Variants in NPAS3 observed in about 807,000 individuals in gnomAD.
NPAS3 encodes neuronal PAS domain protein 3.
Under a neutral mutation model 73.1 loss-of-function variants are expected in NPAS3, and 14 were observed. That is an observed-to-expected ratio of 0.19 (90% CI 0.13 to 0.30). NPAS3 has a LOEUF of 0.30. Among genes scored for constraint, NPAS3 ranks in the 10% least tolerant of loss-of-function variants. The probability of loss-of-function intolerance (pLI) is 1.00; values close to 1 mark genes in which losing one functional copy is unlikely to be tolerated. For missense variants in NPAS3, 1,096 were observed against 1,250.0 expected (o/e 0.88, Z 1.86); for synonymous variants, 620 against 541.5 (o/e 1.14, Z -2.01).
At chr14:32,980,498 T>C (rs1178688886) in intron 1 of NPAS3, among the ~76,000 whole-genome samples, 1 of 152,212 alleles carries the variant, frequency 6.6e-6, no homozygotes, top group Non-Finnish European at 1.5e-5. Flanking sequence ...TTAATCAAAA[T>C]AACAAAAGGG....
chr14:33,208,757 T>C (rs1219651726), intron 2 of NPAS3, among the ~76,000 whole-genome samples: 2 of 152,210 alleles, frequency 1.3e-5, no homozygotes, highest in Non-Finnish European at 2.9e-5. Context: ...AAGCTTAATA[T>C]ATCCTGAGTT....
intron 4 of NPAS3, among the ~76,000 whole-genome samples, chr14:33,408,906 A>G (rs1472080257): frequency 6.6e-6 from 1 of 152,164 alleles, no homozygotes; most frequent in Non-Finnish European, 1.5e-5. Flanking sequence ...AGTATGTGGA[A>G]TATATTGAGG....
intron 1 of NPAS3, among the ~76,000 whole-genome samples, chr14:32,966,877 G>T (rs751766993): frequency 6.6e-6 from 1 of 150,636 alleles, no homozygotes; most frequent in East Asian, 2.0e-4. Flanking sequence ...GGATTTTTTT[G>T]AATAAGACCT....
At chr14:33,109,619 T>C (rs2042825374) in intron 2 of NPAS3, among the ~76,000 whole-genome samples, 1 of 152,076 alleles carries the variant, frequency 6.6e-6, no homozygotes, top group African/African-American at 2.4e-5. Flanking sequence ...CATGTTTGTT[T>C]ATATGTTTGA....
chr14:33,473,711 G>T (rs1393743153), intron 4 of NPAS3, among the ~76,000 whole-genome samples: 1 of 152,176 alleles, frequency 6.6e-6, no homozygotes, highest in Non-Finnish European at 1.5e-5. Context: ...AAGTTTTCTG[G>T]AAGGAGTGTC....
chr14:33,158,316 C>T (rs1041140926), intron 2 of NPAS3, among the ~76,000 whole-genome samples: 3 of 152,198 alleles, frequency 2.0e-5, no homozygotes, highest in African/African-American at 7.2e-5. Context: ...TGTGTTTTAA[C>T]AGGCCCCCCA....
chr14:33,688,960 T>C lies in NPAS3; in HGVS notation c.733+12575T>C, dbSNP rs183951328. Among the ~76,000 whole-genome samples the C allele has an allele frequency of 2.2e-3, 338 of 152,346 alleles. 1 individual carries two copies. The highest frequency in any genetic ancestry group is 3.8e-3 in the Non-Finnish European group (259 of 68,040). ...CAGTTAAATTGCACTGCCTATATTATAGACTTTTAAAATCTGCAGTCTGGT... is the reference window on the plus strand; with the variant it reads ...CAGTTAAATTGCACTGCCTATATTACAGACTTTTAAAATCTGCAGTCTGGT... On this transcript the variant is annotated intron_variant, in intron 6 of 11. Transcript: ENST00000356141.
intron 8 of NPAS3, among the ~76,000 whole-genome samples, chr14:33,777,257 C>G (rs993504031): frequency 5.3e-5 from 8 of 152,146 alleles, no homozygotes; most frequent in African/African-American, 1.7e-4. Context: ...AAAACACCGA[C>G]TAATCTGTGT....
chr14:33,120,498 A>T (rs1182205219), intron 2 of NPAS3, among the ~76,000 whole-genome samples: 1 of 152,120 alleles, frequency 6.6e-6, no homozygotes, highest in Non-Finnish European at 1.5e-5. Context: ...GACAACAAAC[A>T]TACATGCTTC....
chr14:33,521,095 T>A (rs2053535730), intron 4 of NPAS3, among the ~76,000 whole-genome samples: 2 of 152,270 alleles, frequency 1.3e-5, no homozygotes, highest in Admixed American at 6.5e-5. Flanking sequence ...AATAACAGGA[T>A]CTTATGAATT....
chr14:33,269,088 T>A (rs1190439159), intron 3 of NPAS3, among the ~76,000 whole-genome samples: 1 of 152,200 alleles, frequency 6.6e-6, no homozygotes, highest in Non-Finnish European at 1.5e-5. Flanking sequence ...AGTAGGACTT[T>A]GATACATAGT....
intron 2 of NPAS3, among the ~76,000 whole-genome samples, chr14:33,195,603 C>T (rs946657749): frequency 5.1e-4 from 77 of 152,300 alleles, no homozygotes; most frequent in African/African-American, 1.8e-3. Context: ...TAAAACAGAG[C>T]TGTAACCTTT....
At chr14:33,663,266 C>T (rs781526478) in intron 5 of NPAS3, among the ~76,000 whole-genome samples, 28 of 152,080 alleles carry the variant, frequency 1.8e-4, no homozygotes, top group African/African-American at 6.3e-4. Flanking sequence ...GTTCACTGAG[C>T]GTTTTTAGCA....
At chr14:33,797,569 T>C (rs753680005) in exon 11 of NPAS3, 34 of 1,613,908 alleles carry the variant, frequency 2.1e-5, no homozygotes, top group Admixed American at 1.5e-4. Flanking sequence ...TAAAGACACC[T>C]CAGGTATTAC....
chr14:33,521,368 T>G (rs1238440213), intron 4 of NPAS3, among the ~76,000 whole-genome samples: 1 of 152,138 alleles, frequency 6.6e-6, no homozygotes, highest in Non-Finnish European at 1.5e-5. Flanking sequence ...AAGTCCTGTA[T>G]TCCCATTCAG....
At chr14:33,656,964 G>A (rs1209137559) in intron 5 of NPAS3, among the ~76,000 whole-genome samples, 1 of 152,058 alleles carries the variant, frequency 6.6e-6, no homozygotes, top group Non-Finnish European at 1.5e-5. Flanking sequence ...GCCAAGATAC[G>A]GAATCAACCT....
At chr14:32,972,451 C>A (rs2139325918) in intron 1 of NPAS3, among the ~76,000 whole-genome samples, 1 of 152,320 alleles carries the variant, frequency 6.6e-6, no homozygotes, top group South Asian at 2.1e-4. Context: ...ATATAAAATA[C>A]ACACACATGC....
intron 5 of NPAS3, among the ~76,000 whole-genome samples, chr14:33,647,686 T>G (rs1035372410): frequency 2.0e-5 from 3 of 152,176 alleles, no homozygotes; most frequent in Non-Finnish European, 4.4e-5. Context: ...AGTTGTGGCT[T>G]AAGTAGTAGC....
At chr14:33,440,397 C>T (rs1566905374) in intron 4 of NPAS3, among the ~76,000 whole-genome samples, 1 of 152,104 alleles carries the variant, frequency 6.6e-6, no homozygotes, top group Non-Finnish European at 1.5e-5. Context: ...CCCTGTCCCC[C>T]GACCAAGGGT....
Sources: allele counts gnomAD v4.1 joint callset (sites outside exome capture counted in the v4.1 genomes callset), GRCh38; gene constraint gnomAD v4.1.1; transcripts MANE v1.5; gene names NCBI Gene and HGNC (gene_info 2026-07-23, HGNC 2026-07-21).